The following TPD52L1 variants were observed in gnomAD, a reference collection of about 807,000 sequenced individuals.
TPD52L1 encodes the protein TPD52 like 1.
In TPD52L1, 18 loss-of-function variants were observed where a neutral mutation model predicts 28.7. That is an observed-to-expected ratio of 0.63 (90% CI 0.43 to 0.93). The LOEUF (loss-of-function observed/expected upper bound fraction) is 0.93. Among genes scored for constraint, TPD52L1 ranks in the 40% least tolerant of loss-of-function variants. The pLI is 0.00. For missense variants in TPD52L1, 203 were observed against 254.8 expected (o/e 0.80, Z 1.39); for synonymous variants, 75 against 88.8 (o/e 0.84, Z 0.88).
rs1236857131 is a variant in TPD52L1 at position 125,172,616 on chromosome 6, A to ATT, written c.19+18647_19+18648dup. Among the ~76,000 whole-genome samples, 3 of 114,964 alleles carry ATT rather than the reference A, an allele frequency of 2.6e-5. No individual in the cohort carries two copies. In the Admixed American group the frequency reaches 3.2e-4, roughly 12 times the overall value. 75.4% of individuals were successfully genotyped at this position (114,964 alleles called of 152,430 possible). The stretch of plus-strand genomic sequence containing the variant: ...ACAATTATATATATAAATATATATA[A>ATT]TTATATATATATAACTATATAATAA... On this transcript the variant is annotated intron_variant, in intron 1 of 6. Transcript: ENST00000534000.
At chr6:125,181,045 G>A (rs1792162968) in intron 1 of TPD52L1, among the ~76,000 whole-genome samples, 1 of 152,100 alleles carries the variant, frequency 6.6e-6, no homozygotes, top group Non-Finnish European at 1.5e-5. Flanking sequence ...TTAGAAGTTG[G>A]GTTCGAGCCT....
At chr6:125,262,653 C>A in intron 6 of TPD52L1, 181 bp from the exon 7 acceptor site, 2 of 774,882 alleles carry the variant, frequency 2.6e-6, no homozygotes, top group South Asian at 2.2e-5. Context: ...ATCCGAGAAC[C>A]CAAGTATGAA....
At chr6:125,245,606 G>A (rs145608865) in intron 3 of TPD52L1, among the ~76,000 whole-genome samples, 110 of 152,254 alleles carry the variant, frequency 7.2e-4, no homozygotes, top group African/African-American at 2.6e-3. Context: ...GGGGGTTGGG[G>A]GGTGTGGTTC....
chr6:125,205,849 A>G (rs142987300), intron 1 of TPD52L1, among the ~76,000 whole-genome samples: 1,873 of 152,332 alleles, frequency 0.012, 23 homozygotes, highest in Non-Finnish European at 0.016. Flanking sequence ...AAAGAGTTCC[A>G]TGTATTTGTT....
At chr6:125,248,259 A>G (rs2273562) in intron 3 of TPD52L1, 23 bp from the exon 4 acceptor site, 324,701 of 1,582,622 alleles carry the variant, frequency 0.21, 36,187 homozygotes, top group East Asian at 0.44. Flanking sequence ...TATAAAAACC[A>G]TGTTGTTCTG....
In TPD52L1 at chr6:125,220,129, G is replaced by C; in HGVS notation, c.71G>C (p.Ser24Thr). The change falls in exon 2 of 7, where the codon AGT becomes ACT. Residue 24 changes from serine (S) to threonine (T), a missense_variant. Ser to Thr is a moderately conservative substitution (Grantham distance 58). Coordinates refer to ENST00000534000, the MANE Select transcript of TPD52L1 (RefSeq NM_003287.4). ...LQGTDEDAVA[S>T]ADFSSMLSEE... ...GGAACAGACGAAGATGCAGTAGCCA[G>C]TGCTGACTTCTCTAGCATGCTCTCT... 1 of 1,613,900 alleles carries C rather than the reference G, an allele frequency of 6.2e-7. No homozygotes were observed. The highest frequency in any genetic ancestry group is 1.1e-5 in the South Asian group (1 of 91,078).
At chr6:125,257,339 G>C (rs1797668029) in intron 6 of TPD52L1, among the ~76,000 whole-genome samples, 181 bp downstream of exon 6, 1 of 152,206 alleles carries the variant, frequency 6.6e-6, no homozygotes, top group African/African-American at 2.4e-5. Context: ...TATATCCTTA[G>C]AGTTGTTTGT....
intron 4 of TPD52L1, among the ~76,000 whole-genome samples, chr6:125,249,555 G>T (rs983933488): frequency 6.6e-5 from 10 of 151,696 alleles, no homozygotes; most frequent in African/African-American, 9.7e-5. Flanking sequence ...AGCCAGGCAT[G>T]GTTGTGTGTG....
At chr6:125,206,603 CT>C (rs1794159076) in intron 1 of TPD52L1, among the ~76,000 whole-genome samples, 1 of 152,046 alleles carries the variant, frequency 6.6e-6, no homozygotes, top group Admixed American at 6.5e-5. Flanking sequence ...GGCTTAGAGG[CT>C]TTGGTAGGGA....
intron 4 of TPD52L1, chr6:125,252,306 C>T (rs1456744403): frequency 5.1e-6 from 2 of 393,532 alleles, no homozygotes; most frequent in South Asian, 1.0e-4. Context: ...CCATTTCTTC[C>T]GGTGTTGACA....
chr6:125,207,587 C>A (rs1008884164), intron 1 of TPD52L1, among the ~76,000 whole-genome samples: 10 of 152,196 alleles, frequency 6.6e-5, no homozygotes, highest in Non-Finnish European at 1.2e-4. Context: ...TTTGCTTCTT[C>A]CTCCAGAGCA....
At chr6:125,217,070 ATAAAGG>A (rs1485240261) in intron 1 of TPD52L1, among the ~76,000 whole-genome samples, 2 of 152,226 alleles carry the variant, frequency 1.3e-5, no homozygotes, top group African/African-American at 4.8e-5. Context: ...TATTTACAAT[ATAAAGG>A]TAAAGTGGAG....
At chr6:125,213,074 A>G (rs993095870) in intron 1 of TPD52L1, among the ~76,000 whole-genome samples, 2 of 152,198 alleles carry the variant, frequency 1.3e-5, no homozygotes, top group Non-Finnish European at 2.9e-5. Flanking sequence ...ATAGCAGGGT[A>G]GCAACATTTA....
intron 3 of TPD52L1, among the ~76,000 whole-genome samples, chr6:125,243,133 C>T (rs891959021): frequency 7.9e-5 from 12 of 152,168 alleles, no homozygotes; most frequent in African/African-American, 2.9e-4. Context: ...TGATGGGACC[C>T]TAATCCCTTC....
At chr6:125,252,228 A>G in intron 4 of TPD52L1, 2 of 568,010 alleles carry the variant, frequency 3.5e-6, no homozygotes, top group South Asian at 5.4e-5. Flanking sequence ...GTACATCTCT[A>G]TCTCATTTCT....
At chr6:125,190,500 G>A (rs1182947329) in intron 1 of TPD52L1, among the ~76,000 whole-genome samples, 2 of 152,080 alleles carry the variant, frequency 1.3e-5, no homozygotes, top group African/African-American at 2.4e-5. Context: ...TTCCACAGAC[G>A]AAGGTTGGGG....
chr6:125,187,632 T>A (rs1792728757), intron 1 of TPD52L1, among the ~76,000 whole-genome samples: 1 of 152,226 alleles, frequency 6.6e-6, no homozygotes, highest in Non-Finnish European at 1.5e-5. Context: ...ACATTTAGTA[T>A]GAATGGTGAA....
chr6:125,156,720 G>A (rs1790163110), intron 1 of TPD52L1, among the ~76,000 whole-genome samples: 2 of 152,240 alleles, frequency 1.3e-5, no homozygotes, highest in South Asian at 2.1e-4. Flanking sequence ...CGTGAGCTGT[G>A]ATTACATCAC....
intron 1 of TPD52L1, among the ~76,000 whole-genome samples, chr6:125,157,494 C>T (rs555539307): frequency 6.2e-4 from 95 of 152,246 alleles, no homozygotes; most frequent in African/African-American, 2.1e-3. Flanking sequence ...TGGAGAACAA[C>T]GTGGAGAGAG....
Sources: allele counts gnomAD v4.1 joint callset (sites outside exome capture counted in the v4.1 genomes callset), GRCh38; gene constraint gnomAD v4.1.1; transcripts MANE v1.5; gene names NCBI Gene and HGNC (gene_info 2026-07-23, HGNC 2026-07-21).